Variants in DPYD observed in about 807,000 individuals in gnomAD.
The protein encoded by DPYD is dihydropyrimidine dehydrogenase, also known as dihydropyrimidine dehydrogenase [NADP(+)].
In DPYD, 109 loss-of-function variants were observed where a neutral mutation model predicts 116.2. The ratio of observed to expected loss-of-function variants is 0.94; its 90% CI spans 0.80 to 1.10. The LOEUF (loss-of-function observed/expected upper bound fraction) is 1.10. Among genes scored for constraint, DPYD ranks in the 50% least tolerant of loss-of-function variants. The pLI is 0.00. For missense variants in DPYD, 1,302 were observed against 1,254.5 expected, an observed-to-expected ratio of 1.04 and a Z score of -0.57; for synonymous variants, 440 against 432.0, an observed-to-expected ratio of 1.02 and a Z score of -0.23.
intron 2 of DPYD, among the ~76,000 whole-genome samples, chr1:97,867,616 A>G (rs991516354): frequency 2.0e-5 from 3 of 151,942 alleles, no homozygotes; most frequent in African/African-American, 7.2e-5. Flanking sequence ...ATAAAGGACA[A>G]AAACCATAGG....
At chr1:97,745,755 A>G (rs1664513769) in intron 3 of DPYD, among the ~76,000 whole-genome samples, 1 of 152,074 alleles carries the variant, frequency 6.6e-6, no homozygotes. Flanking sequence ...CCGTAAGCAT[A>G]AAAGACCAGT....
At chr1:97,621,028 G>A (rs1334872023) in intron 8 of DPYD, among the ~76,000 whole-genome samples, 3 of 151,922 alleles carry the variant, frequency 2.0e-5, no homozygotes, top group Non-Finnish European at 4.4e-5. Context: ...TTATAATGAT[G>A]GCCATGTCAG....
intron 1 of DPYD, among the ~76,000 whole-genome samples, chr1:97,898,289 A>G (rs1269900025): frequency 6.6e-6 from 1 of 151,726 alleles, no homozygotes; most frequent in African/African-American, 2.4e-5. Context: ...CCCTCTGCTG[A>G]TCTGCAGGTT....
intron 13 of DPYD, among the ~76,000 whole-genome samples, chr1:97,475,423 G>A (rs1677901062): frequency 6.6e-6 from 1 of 152,062 alleles, no homozygotes; most frequent in Non-Finnish European, 1.5e-5. Flanking sequence ...ATAAATAAAT[G>A]ACTTAATAAA....
chr1:97,751,103 G>T (rs1664851706), intron 3 of DPYD, among the ~76,000 whole-genome samples: 2 of 152,010 alleles, frequency 1.3e-5, no homozygotes, highest in South Asian at 2.1e-4. Flanking sequence ...GTAAATAAAT[G>T]TCTCCACATA....
intron 5 of DPYD, among the ~76,000 whole-genome samples, chr1:97,704,847 T>C (rs1661829487): frequency 1.3e-5 from 2 of 152,050 alleles, no homozygotes; most frequent in South Asian, 2.1e-4. Flanking sequence ...CGAAACAATG[T>C]AATAAATGAA....
intron 8 of DPYD, among the ~76,000 whole-genome samples, chr1:97,596,536 G>C (rs1021681277): frequency 3.3e-5 from 5 of 152,014 alleles, no homozygotes; most frequent in African/African-American, 1.2e-4. Context: ...AAATGCAGGG[G>C]AAAACATGTA....
At chr1:97,477,768 C>A (rs1403201245) in intron 13 of DPYD, among the ~76,000 whole-genome samples, 1 of 151,550 alleles carries the variant, frequency 6.6e-6, no homozygotes, top group Non-Finnish European at 1.5e-5. Context: ...CTACAGGCGC[C>A]CGCCACCGCG....
At chr1:97,841,716 A>C (rs1162203508) in intron 2 of DPYD, among the ~76,000 whole-genome samples, 1 of 152,078 alleles carries the variant, frequency 6.6e-6, no homozygotes, top group East Asian at 1.9e-4. Flanking sequence ...AGGGGAAAAA[A>C]AAAATGTTTG....
intron 8 of DPYD, among the ~76,000 whole-genome samples, chr1:97,612,508 A>G (rs1656007057): frequency 6.6e-6 from 1 of 152,052 alleles, no homozygotes; most frequent in African/African-American, 2.4e-5. Flanking sequence ...TGGCTGCAAA[A>G]TAGCTTAAGT....
At chr1:97,378,375 A>C (rs2101544946) in intron 15 of DPYD, among the ~76,000 whole-genome samples, 1 of 152,290 alleles carries the variant, frequency 6.6e-6, no homozygotes, top group South Asian at 2.1e-4. Flanking sequence ...TTCATGACAT[A>C]TTGCTGTCCA....
At chr1:97,499,019 T>C (rs1422361587) in intron 13 of DPYD, among the ~76,000 whole-genome samples, 1 of 151,678 alleles carries the variant, frequency 6.6e-6, no homozygotes, top group Non-Finnish European at 1.5e-5. Context: ...TTATAACTTA[T>C]AATAAATAAC....
chr1:97,290,150 TC>T (rs1279763465), intron 18 of DPYD, among the ~76,000 whole-genome samples: 1 of 152,138 alleles, frequency 6.6e-6, no homozygotes, highest in African/African-American at 2.4e-5. Flanking sequence ...AAGGACCTCT[TC>T]AAGGAGAACT....
rs1661386608 is a variant in DPYD at position 97,697,755 on chromosome 1, C to T, written c.680+1596G>A. On this transcript the variant is annotated intron_variant, in intron 6 of 22. Coordinates refer to ENST00000370192, the MANE Select transcript of DPYD (RefSeq NM_000110.4). The stretch of plus-strand genomic sequence containing the variant: ...ATTTATATGAATTACAAATGCCTAT[C>T]CTGCATTTGAGTTAAAAAAGAGATA... Among the ~76,000 whole-genome samples, 6 of 152,090 alleles carry T rather than the reference C, an allele frequency of 3.9e-5. No individual in the cohort carries two copies. The South Asian group carries it at 1.2e-3, about 32-fold the overall frequency.
At chr1:97,876,359 C>A (rs1671919848) in intron 2 of DPYD, among the ~76,000 whole-genome samples, 1 of 151,884 alleles carries the variant, frequency 6.6e-6, no homozygotes, top group Non-Finnish European at 1.5e-5. Flanking sequence ...GCCCTTTGGG[C>A]CAGTAACAGG....
At chr1:97,410,346 C>T (rs890812018) in intron 14 of DPYD, among the ~76,000 whole-genome samples, 2 of 151,848 alleles carry the variant, frequency 1.3e-5, no homozygotes, top group Admixed American at 6.6e-5. Flanking sequence ...ATCAGCTACC[C>T]GATATATAAA....
At chr1:97,505,689 C>T (rs958213731) in intron 13 of DPYD, among the ~76,000 whole-genome samples, 6 of 151,582 alleles carry the variant, frequency 4.0e-5, no homozygotes, top group Admixed American at 1.3e-4. Flanking sequence ...AACACACACT[C>T]GAAAAATAGT....
intron 14 of DPYD, among the ~76,000 whole-genome samples, chr1:97,440,049 G>A (rs1186018851): frequency 6.6e-6 from 1 of 152,082 alleles, no homozygotes; most frequent in Non-Finnish European, 1.5e-5. Context: ...GCCGAGGCGG[G>A]GGGATCACCT....
intron 20 of DPYD, among the ~76,000 whole-genome samples, chr1:97,136,393 AG>A (rs765620536): frequency 2.0e-5 from 3 of 152,136 alleles, no homozygotes; most frequent in Non-Finnish European, 2.9e-5. Context: ...AGAAAATGAG[AG>A]GCATGTCTCA....
Sources: allele counts gnomAD v4.1 joint callset (sites outside exome capture counted in the v4.1 genomes callset), GRCh38; gene constraint gnomAD v4.1.1; transcripts MANE v1.5; gene names NCBI Gene and HGNC (gene_info 2026-07-23, HGNC 2026-07-21).